The following SQOR variants were observed in gnomAD, a reference collection of about 807,000 sequenced individuals.
The protein encoded by SQOR is sulfide quinone oxidoreductase, also known as sulfide:quinone oxidoreductase, mitochondrial.
SQOR carries 39 observed loss-of-function variants against 48.6 expected under a neutral mutation model. The observed-to-expected ratio is 0.80, with a 90% confidence interval of 0.62 to 1.05. The LOEUF (loss-of-function observed/expected upper bound fraction) is 1.05, where lower values mean the gene tolerates loss of function less well. SQOR is among the 50% of genes least tolerant of loss of function. The pLI is 0.00. For synonymous variants in SQOR, 220 were observed against 206.2 expected (o/e 1.07, Z -0.57); for missense variants, 561 against 559.9 (o/e 1.00, Z -0.02).
At chr15:45,660,182 T>A (rs1163356919) in intron 2 of SQOR, among the ~76,000 whole-genome samples, 2 of 152,176 alleles carry the variant, frequency 1.3e-5, no homozygotes, top group Non-Finnish European at 2.9e-5. Flanking sequence ...GGTTGGGAGC[T>A]GTATCCTTGG....
intron 1 of SQOR, among the ~76,000 whole-genome samples, chr15:45,649,675 G>A (rs1460541941): frequency 2.6e-5 from 4 of 152,084 alleles, no homozygotes; most frequent in South Asian, 4.1e-4. Context: ...TAGAGACAGG[G>A]TTTCACCATG....
intron 3 of SQOR, among the ~76,000 whole-genome samples, chr15:45,669,243 C>T (rs1889895233): frequency 6.6e-6 from 1 of 151,032 alleles, no homozygotes; most frequent in Non-Finnish European, 1.5e-5. Flanking sequence ...GATCTCTGCT[C>T]ACTGCAACCT....
rs114648187 is a variant in SQOR, at chr15:45,669,937, C to T, written c.415C>T (p.Arg139Ter). ...TCTTTTTGTGTTGCAGATCTCCTAC[C>T]GATATCTTATTATTGCTCTCGGAAT... ...HTDDDEKISY[R>*]YLIIALGIQL... The change falls in exon 4 of 10, where the codon CGA becomes TGA. Residue 139 changes from arginine (R) to a stop codon, truncating the protein, a stop_gained. Transcript: ENST00000260324. LOFTEE classifies it high-confidence loss of function. 29 of 1,613,822 alleles carry T rather than the reference C, an allele frequency of 1.8e-5. No homozygotes were observed. Among genetic ancestry groups the T allele is most frequent in the Middle Eastern group, 1.6e-4 (1 of 6,084 alleles).
At chr15:45,674,436 G>A (rs374654400) in intron 5 of SQOR, among the ~76,000 whole-genome samples, 2 of 147,822 alleles carry the variant, frequency 1.4e-5, no homozygotes, top group East Asian at 2.0e-4. Context: ...GCGAAGCTCC[G>A]TCTTAAAAAA....
At chr15:45,636,520 C>T (rs1173753525) in intron 1 of SQOR, among the ~76,000 whole-genome samples, 1 of 151,748 alleles carries the variant, frequency 6.6e-6, no homozygotes, top group Non-Finnish European at 1.5e-5. Context: ...TCTCCTGCCT[C>T]AGCCTCCCGA....
chr15:45,689,136 T>G lies in SQOR; in HGVS notation c.1214T>G (p.Phe405Cys). Residue 405 changes from phenylalanine to cysteine, a missense_variant, in exon 9 of 10, where the codon TTT becomes TGT. By Grantham distance (205) the Phe-to-Cys change is radical. Coordinates refer to ENST00000260324, the MANE Select transcript of SQOR (RefSeq NM_021199.4). ...GCAGAGCCGCTAGAAACCTTCCCCTTTGATCAAAGCAAAGAGCGCCTTTCC... is the reference window on the plus strand; with the variant it reads ...GCAGAGCCGCTAGAAACCTTCCCCTGTGATCAAAGCAAAGAGCGCCTTTCC... ...YKAEPLETFPFDQSKERLSMY... is the reference protein window; with the variant it reads ...YKAEPLETFPCDQSKERLSMY... 1 of 1,614,122 alleles carries G rather than the reference T, an allele frequency of 6.2e-7. No individual in the cohort carries two copies. The highest frequency in any genetic ancestry group is 8.5e-7 in the Non-Finnish European group (1 of 1,180,020).
chr15:45,682,468 T>G lies in SQOR; in HGVS notation c.865-10T>G. Reference sequence around the variant, plus strand: ...ATAAATGAAAATGTGGATTCTCTCTTTGTGTGTAGTATGAAATGCTTCATG... The same window carrying G: ...ATAAATGAAAATGTGGATTCTCTCTGTGTGTGTAGTATGAAATGCTTCATG... On this transcript the variant is annotated splice_polypyrimidine_tract_variant and intron_variant, in intron 6 of 9. Coordinates refer to ENST00000260324, the MANE Select transcript of SQOR (RefSeq NM_021199.4). The G allele has an allele frequency of 1.9e-6, 3 of 1,613,756 alleles. No individual in the cohort carries two copies. The highest frequency in any genetic ancestry group is 2.5e-6 in the Non-Finnish European group (3 of 1,179,796).
chr15:45,684,137 T>A (rs1890178707), intron 7 of SQOR, among the ~76,000 whole-genome samples: 1 of 152,190 alleles, frequency 6.6e-6, no homozygotes, highest in Non-Finnish European at 1.5e-5. Flanking sequence ...GGTCTCGAAC[T>A]CCTGGCTGCA....
chr15:45,639,910 C>T (rs1895074872), intron 1 of SQOR, among the ~76,000 whole-genome samples: 1 of 152,146 alleles, frequency 6.6e-6, no homozygotes, highest in African/African-American at 2.4e-5. Context: ...AACTAGACAC[C>T]TCCACTTATT....
At chr15:45,647,686 C>T (rs1040015418) in intron 1 of SQOR, among the ~76,000 whole-genome samples, 21 of 152,130 alleles carry the variant, frequency 1.4e-4, no homozygotes, top group Non-Finnish European at 2.9e-4. Flanking sequence ...GAGGCCAAGG[C>T]GGGTGGATCT....
chr15:45,681,212 C>A (rs1890122254), intron 6 of SQOR, among the ~76,000 whole-genome samples: 1 of 152,278 alleles, frequency 6.6e-6, no homozygotes, highest in South Asian at 2.1e-4. Context: ...AAAAGTAGTT[C>A]TAGTTGACTG....
chr15:45,653,451 C>T (rs1278400413), intron 1 of SQOR, among the ~76,000 whole-genome samples: 1 of 152,078 alleles, frequency 6.6e-6, no homozygotes, highest in Non-Finnish European at 1.5e-5. Flanking sequence ...ATGGAAGAGA[C>T]ATATGGGGCA....
chr15:45,688,808 T>A (rs924493214), intron 8 of SQOR, among the ~76,000 whole-genome samples: 1 of 152,178 alleles, frequency 6.6e-6, no homozygotes, highest in Non-Finnish European at 1.5e-5. Context: ...CCACCGCGCC[T>A]GGCCCAGTTT....
chr15:45,636,459 A>G (rs534518901), intron 1 of SQOR, among the ~76,000 whole-genome samples: 2 of 146,186 alleles, frequency 1.4e-5, no homozygotes, highest in Admixed American at 1.4e-4. Context: ...GCTGGAGTGC[A>G]GTGGCGCGAT....
chr15:45,649,994 C>T (rs1889441609), intron 1 of SQOR, among the ~76,000 whole-genome samples: 1 of 151,960 alleles, frequency 6.6e-6, no homozygotes, highest in Admixed American at 6.6e-5. Flanking sequence ...AGTTATGTGC[C>T]ACCACAGCCC....
chr15:45,669,381 C>G (rs1315131650), intron 3 of SQOR, among the ~76,000 whole-genome samples: 1 of 152,092 alleles, frequency 6.6e-6, no homozygotes, highest in African/African-American at 2.4e-5. Context: ...CCAGGCTGGT[C>G]TCCAACTCCT....
chr15:45,672,097 A>G (rs1042153023), intron 4 of SQOR, among the ~76,000 whole-genome samples: 12 of 152,152 alleles, frequency 7.9e-5, no homozygotes, highest in African/African-American at 2.7e-4. Flanking sequence ...AGAGAAAACT[A>G]ATGAAGGTGA....
chr15:45,687,502 G>A (rs1366682506), intron 7 of SQOR, among the ~76,000 whole-genome samples: 1 of 152,192 alleles, frequency 6.6e-6, no homozygotes, highest in Admixed American at 6.5e-5. Flanking sequence ...CGAAAATACT[G>A]CGGGTTTGTG....
intron 3 of SQOR, 143 bp downstream of exon 3, chr15:45,662,268 A>G: frequency 1.2e-6 from 1 of 822,818 alleles, no homozygotes; most frequent in Non-Finnish European, 1.9e-6. Context: ...ATACTACACA[A>G]GATGGCAGGG....
Sources: allele counts gnomAD v4.1 joint callset (sites outside exome capture counted in the v4.1 genomes callset), GRCh38; gene constraint gnomAD v4.1.1; transcripts MANE v1.5; gene names NCBI Gene and HGNC (gene_info 2026-07-23, HGNC 2026-07-21).